CCNY: variants seen among roughly 807,000 people sequenced by gnomAD.
The protein encoded by CCNY is cyclin-Y.
Under a neutral mutation model 42.8 loss-of-function variants are expected in CCNY, and 19 were observed. The ratio of observed to expected loss-of-function variants is 0.44; its 90% CI spans 0.31 to 0.65. The LOEUF is 0.65. Among genes scored for constraint, CCNY ranks in the 30% least tolerant of loss-of-function variants. CCNY has a pLI of 0.07. For missense variants in CCNY, 370 were observed against 437.3 expected (o/e 0.85, Z 1.37); for synonymous variants, 165 against 162.7 (o/e 1.01, Z -0.11).
chr10:35,250,771 G>T (rs546013334), intron 3 of CCNY: 1 of 152,374 alleles, frequency 6.6e-6, no homozygotes, highest in South Asian at 2.1e-4. Context: ...TATTCGTAAG[G>T]TTCCTTTTCA....
chr10:35,424,352 A>G (rs1276769467), intron 1 of CCNY, among the ~76,000 whole-genome samples: 2 of 152,016 alleles, frequency 1.3e-5, no homozygotes, highest in Non-Finnish European at 2.9e-5. Context: ...TCAACCTCCC[A>G]AGTAGCTGGG....
At chr10:35,301,931 C>A (rs1013703657) in intron 3 of CCNY, among the ~76,000 whole-genome samples, 1 of 147,524 alleles carries the variant, frequency 6.8e-6, no homozygotes, top group Non-Finnish European at 1.5e-5. Flanking sequence ...CCCCGCCCAG[C>A]CTTCATTGTT....
At chr10:35,309,320 C>T (rs1287934042) in intron 3 of CCNY, among the ~76,000 whole-genome samples, 1 of 152,198 alleles carries the variant, frequency 6.6e-6, no homozygotes, top group Non-Finnish European at 1.5e-5. Context: ...CACACTCGGA[C>T]TCAGTGGACT....
chr10:35,488,993 A>G (rs1839843000), intron 2 of CCNY, among the ~76,000 whole-genome samples: 1 of 152,110 alleles, frequency 6.6e-6, no homozygotes, highest in Non-Finnish European at 1.5e-5. Context: ...TAAAAATATG[A>G]CCTAGGCCGG....
At chr10:35,375,687 A>C (rs1837036995) in intron 1 of CCNY, among the ~76,000 whole-genome samples, 1 of 152,226 alleles carries the variant, frequency 6.6e-6, no homozygotes, top group South Asian at 2.1e-4. Flanking sequence ...GATGTAATAA[A>C]TATTGCAAAC....
chr10:35,309,163 A>G (rs1055787183), intron 3 of CCNY, among the ~76,000 whole-genome samples: 1 of 152,238 alleles, frequency 6.6e-6, no homozygotes, highest in East Asian at 1.9e-4. Context: ...GCAGTGGCTC[A>G]CGGCTAAAGT....
At chr10:35,479,764 TAAAA>T (rs572142241) in intron 1 of CCNY, among the ~76,000 whole-genome samples, 2 of 145,286 alleles carry the variant, frequency 1.4e-5, no homozygotes, top group Non-Finnish European at 3.0e-5. Flanking sequence ...ATAATAATAA[TAAAA>T]AAAAAAGAAA....
At chr10:35,353,735 G>A (rs1379937564) in intron 1 of CCNY, among the ~76,000 whole-genome samples, 3 of 152,214 alleles carry the variant, frequency 2.0e-5, no homozygotes, top group Non-Finnish European at 2.9e-5. Flanking sequence ...TTCTCAAGAA[G>A]AAATTGACCT....
intron 1 of CCNY, among the ~76,000 whole-genome samples, chr10:35,432,069 T>C (rs565917525): frequency 6.6e-6 from 1 of 152,332 alleles, no homozygotes; most frequent in South Asian, 2.1e-4. Flanking sequence ...GAGAATCATC[T>C]TGCATATCAG....
At chr10:35,551,238 A>G (rs1355143135) in intron 7 of CCNY, among the ~76,000 whole-genome samples, 2 of 152,222 alleles carry the variant, frequency 1.3e-5, no homozygotes, top group Admixed American at 6.5e-5. Context: ...CCTAAAGTTC[A>G]GCCGCCTCCT....
At chr10:35,326,334 C>CA (rs537500431) in intron 3 of CCNY, among the ~76,000 whole-genome samples, 1 of 152,038 alleles carries the variant, frequency 6.6e-6, no homozygotes, top group Non-Finnish European at 1.5e-5. Flanking sequence ...TACAGTTACT[C>CA]AAAGTACAGC....
intron 3 of CCNY, among the ~76,000 whole-genome samples, chr10:35,282,003 C>T (rs901221384): frequency 7.3e-5 from 11 of 151,606 alleles, no homozygotes; most frequent in African/African-American, 2.7e-4. Flanking sequence ...CAAAGTTGTT[C>T]ATTTTCTCCT....
At chr10:35,492,358 C>CTA in intron 2 of CCNY, among the ~76,000 whole-genome samples, 1 of 152,364 alleles carries the variant, frequency 6.6e-6, no homozygotes, top group African/African-American at 2.4e-5. Flanking sequence ...TGATGCTTCC[C>CTA]TGTTTCTCTT....
intron 8 of CCNY, among the ~76,000 whole-genome samples, chr10:35,563,221 A>G (rs1841500297): frequency 6.6e-6 from 1 of 152,182 alleles, no homozygotes; most frequent in Non-Finnish European, 1.5e-5. Context: ...TCATTTTTTG[A>G]AAATACAACA....
chr10:35,558,237 G>A (rs1337668020), intron 8 of CCNY, among the ~76,000 whole-genome samples: 2 of 152,182 alleles, frequency 1.3e-5, no homozygotes, highest in African/African-American at 4.8e-5. Context: ...GTGAACCTTA[G>A]TAAGGGCAGG....
chr10:35,386,264 C>G (rs977604694), intron 1 of CCNY, among the ~76,000 whole-genome samples: 1 of 152,156 alleles, frequency 6.6e-6, no homozygotes, highest in Non-Finnish European at 1.5e-5. Context: ...GTCCTTAGCT[C>G]CCTTTAACCT....
At chr10:35,552,876 T>C (rs1841288503) in intron 7 of CCNY, 143 bp from the exon 8 acceptor site, 5 of 810,400 alleles carry the variant, frequency 6.2e-6, no homozygotes, top group Middle Eastern at 3.7e-4. Flanking sequence ...CATTGAGTCA[T>C]TTGGCCTTTT....
At chr10:35,485,748 A>C (rs1297916555) in intron 2 of CCNY, among the ~76,000 whole-genome samples, 1 of 151,742 alleles carries the variant, frequency 6.6e-6, no homozygotes, top group South Asian at 2.1e-4. Context: ...AACAAAAAAA[A>C]AAAACACGTA....
intron 2 of CCNY, among the ~76,000 whole-genome samples, chr10:35,496,582 A>C (rs1035068282): frequency 2.6e-5 from 4 of 152,092 alleles, no homozygotes; most frequent in Non-Finnish European, 5.9e-5. Flanking sequence ...TGTAATCCCA[A>C]AACTTTGGGG....
Sources: gnomAD v4.1 joint callset for allele counts (sites outside exome capture counted in the v4.1 genomes callset) on GRCh38, gnomAD v4.1.1 for gene constraint, MANE v1.5 for transcripts, NCBI Gene and HGNC (gene_info 2026-07-23, HGNC 2026-07-21) for gene names.